Variants in DIPK1A observed in about 807,000 individuals in gnomAD.
The protein encoded by DIPK1A is divergent protein kinase domain 1A, also known as family with sequence similarity 69 member A.
In DIPK1A, 27 loss-of-function variants were observed where a neutral mutation model predicts 40.8. The ratio of observed to expected loss-of-function variants is 0.66; its 90% CI spans 0.49 to 0.91. DIPK1A has a LOEUF of 0.91. Ranked by LOEUF, DIPK1A falls within the 40% of genes least tolerant of loss-of-function variation. DIPK1A has a pLI of 0.00. For synonymous variants in DIPK1A, 166 were observed against 171.3 expected, an observed-to-expected ratio of 0.97 and a Z score of 0.24; for missense variants, 412 against 505.7, an observed-to-expected ratio of 0.81 and a Z score of 1.78.
chr1:92,928,115 C>T (rs1433929651), intron 1 of DIPK1A, among the ~76,000 whole-genome samples: 1 of 152,194 alleles, frequency 6.6e-6, no homozygotes, highest in South Asian at 2.1e-4. Context: ...CTTGTGAACA[C>T]TTGTTATTGT....
intron 1 of DIPK1A, among the ~76,000 whole-genome samples, chr1:92,911,859 C>G (rs1039745060): frequency 1.3e-5 from 2 of 151,856 alleles, no homozygotes; most frequent in East Asian, 3.9e-4. Flanking sequence ...AAAAAATTAG[C>G]TGGGTGTGGT....
intron 1 of DIPK1A, among the ~76,000 whole-genome samples, chr1:92,959,904 T>A (rs556936036): frequency 6.1e-5 from 1 of 16,296 alleles, no homozygotes; most frequent in African/African-American, 1.9e-4. Context: ...CCCAACCAAC[T>A]TTTTTTTTTT....
chr1:92,953,738 G>A (rs1651729690), intron 1 of DIPK1A, among the ~76,000 whole-genome samples: 1 of 152,196 alleles, frequency 6.6e-6, no homozygotes, highest in African/African-American at 2.4e-5. Context: ...CCAGGGGCAG[G>A]AGGAAATGAG....
chr1:92,945,961 T>A (rs1200254074), intron 1 of DIPK1A, among the ~76,000 whole-genome samples: 5 of 152,222 alleles, frequency 3.3e-5, no homozygotes, highest in African/African-American at 1.2e-4. Context: ...TTTTAATTAT[T>A]ATTTTTTAAT....
chr1:92,942,520 T>C (rs1478946117), intron 1 of DIPK1A, among the ~76,000 whole-genome samples: 4 of 152,188 alleles, frequency 2.6e-5, no homozygotes, highest in Non-Finnish European at 5.9e-5. Context: ...GCAGTTTTTT[T>C]TTCTTTTTCT....
At chr1:92,941,806 T>G (rs1651158820) in intron 1 of DIPK1A, among the ~76,000 whole-genome samples, 1 of 151,996 alleles carries the variant, frequency 6.6e-6, no homozygotes, top group Non-Finnish European at 1.5e-5. Context: ...CTATCCACAC[T>G]CTATACTCGA....
intron 4 of DIPK1A, chr1:92,845,947 A>C (rs1687587205): frequency 6.5e-6 from 1 of 152,812 alleles, no homozygotes; most frequent in Admixed American, 6.5e-5. Flanking sequence ...ATGAGCCGAG[A>C]TCATGCCACT....
intron 2 of DIPK1A, among the ~76,000 whole-genome samples, chr1:92,852,744 G>C (rs886648942): frequency 6.6e-6 from 1 of 151,678 alleles, no homozygotes; most frequent in African/African-American, 2.4e-5. Context: ...AACACAGTAA[G>C]ATTTAGGAGG....
At chr1:92,855,243 T>C (rs1031938341) in intron 2 of DIPK1A, among the ~76,000 whole-genome samples, 2 of 152,134 alleles carry the variant, frequency 1.3e-5, no homozygotes, top group African/African-American at 2.4e-5. Context: ...CAAGTGTATA[T>C]ATCAAAACTT....
rs554524040 is a variant in DIPK1A, at chr1:92,850,714, A to G, written c.297+134T>C. ...AAATAAATGTCTGTTTAATGAATGA[A>G]TCAAAGCATACAAAATTGAAATACA... On this transcript the variant is annotated intron_variant, in intron 3 of 4. Coordinates refer to ENST00000370310, the MANE Select transcript of DIPK1A (RefSeq NM_001006605.5). 6.0e-5 allele frequency: 37 copies of G among 616,884 alleles called. No homozygotes were observed. In the East Asian group the frequency reaches 7.2e-4, roughly 12 times the overall value. The allele number at this position is 616,884 out of a possible 1,614,324, so 38.2% of individuals were successfully genotyped here.
intron 2 of DIPK1A, among the ~76,000 whole-genome samples, chr1:92,871,259 G>A (rs992403376): frequency 3.3e-5 from 5 of 151,924 alleles, no homozygotes; most frequent in Admixed American, 2.6e-4. Context: ...TCCTCCTCCC[G>A]GGTTCAAGCA....
rs774241625 is a variant in DIPK1A, at chr1:92,961,460, G to A, written c.-31C>T. The A allele has an allele frequency of 6.9e-7, 1 of 1,451,002 alleles. No individual in the cohort carries two copies. Among genetic ancestry groups the A allele is most frequent in the South Asian group, 1.3e-5 (1 of 78,750 alleles). 89.9% of individuals were successfully genotyped at this position (1,451,002 alleles called of 1,614,324 possible). A position where few individuals can be genotyped will look rare whatever the true frequency, so the allele number is the denominator to read the frequency against. On this transcript the variant is annotated 5_prime_UTR_variant, in exon 1 of 5. Transcript: ENST00000370310. ...TCACACATCGCCCCGCCGCGCTGCAGTCAGAGGCGGACCCGAGCGCTGGCG... is the reference window on the plus strand; with the variant it reads ...TCACACATCGCCCCGCCGCGCTGCAATCAGAGGCGGACCCGAGCGCTGGCG...
chr1:92,874,265 T>G (rs1648014844), intron 2 of DIPK1A, among the ~76,000 whole-genome samples: 1 of 152,242 alleles, frequency 6.6e-6, no homozygotes, highest in Admixed American at 6.5e-5. Flanking sequence ...TGAAGGATAC[T>G]GTAATGATAC....
intron 1 of DIPK1A, among the ~76,000 whole-genome samples, chr1:92,897,606 T>C (rs943396007): frequency 3.3e-5 from 5 of 152,172 alleles, no homozygotes; most frequent in African/African-American, 1.2e-4. Context: ...TGTATACATA[T>C]GTAACAAACC....
chr1:92,920,373 G>A (rs1382121973), intron 1 of DIPK1A, among the ~76,000 whole-genome samples: 3 of 152,196 alleles, frequency 2.0e-5, no homozygotes, highest in Non-Finnish European at 4.4e-5. Context: ...CATGTAAGAT[G>A]TGACTTTGCT....
At chr1:92,941,677 GA>G (rs1238442509) in intron 1 of DIPK1A, among the ~76,000 whole-genome samples, 13 of 152,110 alleles carry the variant, frequency 8.5e-5, no homozygotes, top group African/African-American at 3.1e-4. Flanking sequence ...AAAGGATAAC[GA>G]CGCAAGTGAA....
In DIPK1A at chr1:92,852,767, G is replaced by A. The variant is rs370987406; in HGVS notation, c.190-1812C>T. On this transcript the variant is annotated intron_variant, in intron 2 of 4. Transcript: ENST00000370310. ...AAGATTTAGGAGGACTAGGCCAGGC[G>A]TGGTGGCTCATCCCTGTAATAACAG... Among the ~76,000 whole-genome samples, 164 of 152,262 alleles carry A rather than the reference G, an allele frequency of 1.1e-3. 3 individuals are homozygous for A. Among genetic ancestry groups the A allele is most frequent in the African/African-American group, 3.5e-3 (146 of 41,550 alleles).
At chr1:92,879,468 G>T (rs987286653) in intron 1 of DIPK1A, among the ~76,000 whole-genome samples, 1 of 152,170 alleles carries the variant, frequency 6.6e-6, no homozygotes, top group African/African-American at 2.4e-5. Context: ...ACTGCCCGAT[G>T]CCTACTTGTC....
At chr1:92,910,522 C>T (rs1649789060) in intron 1 of DIPK1A, among the ~76,000 whole-genome samples, 1 of 152,104 alleles carries the variant, frequency 6.6e-6, no homozygotes, top group South Asian at 2.1e-4. Flanking sequence ...TTGTAGCAAA[C>T]ATCTACCAAC....
Sources: allele counts gnomAD v4.1 joint callset (sites outside exome capture counted in the v4.1 genomes callset), GRCh38; gene constraint gnomAD v4.1.1; transcripts MANE v1.5; gene names NCBI Gene and HGNC (gene_info 2026-07-23, HGNC 2026-07-21).